The following UNC5B variants were observed in gnomAD, a reference collection of about 807,000 sequenced individuals.
The protein encoded by UNC5B is netrin receptor UNC5B.
UNC5B carries 56 observed loss-of-function variants against 103.7 expected under a neutral mutation model. That is an observed-to-expected ratio of 0.54 (90% CI 0.44 to 0.67). The LOEUF (loss-of-function observed/expected upper bound fraction) is 0.67, where lower values mean the gene tolerates loss of function less well. Ranked by LOEUF, UNC5B falls within the 30% of genes least tolerant of loss-of-function variation. UNC5B has a pLI of 0.00. For synonymous variants in UNC5B, 577 were observed against 542.0 expected, an observed-to-expected ratio of 1.06 and a Z score of -0.90; for missense variants, 1,194 against 1,284.5, an observed-to-expected ratio of 0.93 and a Z score of 1.08.
intron 1 of UNC5B, among the ~76,000 whole-genome samples, chr10:71,277,760 T>C (rs375565122): frequency 6.6e-6 from 1 of 152,252 alleles, no homozygotes; most frequent in South Asian, 2.1e-4. Context: ...TCTGCCTTGC[T>C]CTTCCCACAT....
At chr10:71,294,700 A>C (rs755056609) in intron 13 of UNC5B, among the ~76,000 whole-genome samples, 1 of 151,638 alleles carries the variant, frequency 6.6e-6, no homozygotes, top group Non-Finnish European at 1.5e-5. Flanking sequence ...CATATGCAGA[A>C]GGATGGAGAG....
chr10:71,241,940 G>T (rs1043773278), intron 1 of UNC5B, among the ~76,000 whole-genome samples: 4 of 152,114 alleles, frequency 2.6e-5, no homozygotes, highest in Admixed American at 6.5e-5. Flanking sequence ...TGTGGGGCTG[G>T]CCTAGAGTCA....
chr10:71,287,776 T>G lies in UNC5B; in HGVS notation c.901+11T>G. ...CCACCATCTGCCCAGGTAAGGAGCC[T>G]TGTCCATGTCCAGCCCCACCCCGAA... On this transcript the variant is annotated intron_variant, in intron 6 of 16. Coordinates refer to ENST00000335350, the MANE Select transcript of UNC5B (RefSeq NM_170744.5). The G allele has an allele frequency of 6.2e-7, 1 of 1,609,074 alleles. No homozygotes were observed. The highest frequency in any genetic ancestry group is 8.5e-7 in the Non-Finnish European group (1 of 1,177,628).
At chr10:71,275,797 G>A (rs1227519554) in intron 1 of UNC5B, among the ~76,000 whole-genome samples, 1 of 151,862 alleles carries the variant, frequency 6.6e-6, no homozygotes, top group Non-Finnish European at 1.5e-5. Context: ...TTTAATGTGG[G>A]AGACACGGTA....
At chr10:71,273,011 C>G (rs911336702) in intron 1 of UNC5B, among the ~76,000 whole-genome samples, 29 of 152,238 alleles carry the variant, frequency 1.9e-4, no homozygotes, top group Non-Finnish European at 3.4e-4. Flanking sequence ...GCCTCAGCCC[C>G]CCGAGTAGCT....
chr10:71,291,606 CG>C lies in UNC5B; in HGVS notation c.1472del (p.Gly491AlafsTer111). On this transcript the variant is annotated frameshift_variant, in exon 10 of 17. Coordinates refer to ENST00000335350, the MANE Select transcript of UNC5B (RefSeq NM_170744.5). LOFTEE classifies it high-confidence loss of function. ...LKVKVYSSST[T>X]GSGPGLADGA... is the part of the protein sequence containing the mutation. Reference sequence around the variant, plus strand: ...GTCAAGGTCTACAGCTCCAGCACCACGGGCTCTGGGCCAGGCCTGGCAGATG... The same window carrying C: ...GTCAAGGTCTACAGCTCCAGCACCACGGCTCTGGGCCAGGCCTGGCAGATG... The C allele has an allele frequency of 2.5e-6, 4 of 1,614,106 alleles. No individual in the cohort carries two copies. Among genetic ancestry groups the C allele is most frequent in the Non-Finnish European group, 3.4e-6 (4 of 1,180,022 alleles).
In UNC5B at chr10:71,297,823, A is replaced by T. The variant is rs914506701; in HGVS notation, c.2491-86A>T. On this transcript the variant is annotated intron_variant, in intron 15 of 16. Coordinates refer to ENST00000335350, the MANE Select transcript of UNC5B (RefSeq NM_170744.5). ...AGGAGGTGGGAGTGACTCAAGGCTC[A>T]ATGAGCTCACAGTCCAAGGGGAGGG... The T allele has an allele frequency of 2.8e-6, 4 of 1,418,770 alleles. No individual in the cohort carries two copies. The African/African-American group carries it at 5.7e-5, about 20-fold the overall frequency. The allele number at this position is 1,418,770 out of a possible 1,614,324, so 87.9% of individuals were successfully genotyped here. A position where few individuals can be genotyped will look rare whatever the true frequency, so the allele number is the denominator to read the frequency against.
intron 2 of UNC5B, 55 bp from the exon 3 acceptor site, chr10:71,284,665 G>A (rs1845018783): frequency 1.2e-6 from 2 of 1,606,552 alleles, no homozygotes; most frequent in East Asian, 4.5e-5. Flanking sequence ...GGTGTCCTGT[G>A]CCTCACATCC....
At chr10:71,275,542 A>G (rs999844987) in intron 1 of UNC5B, among the ~76,000 whole-genome samples, 1 of 152,220 alleles carries the variant, frequency 6.6e-6, no homozygotes, top group Non-Finnish European at 1.5e-5. Context: ...CTAAATGCCC[A>G]TTTCCAGTTC....
chr10:71,232,414 G>T (rs1843701758), intron 1 of UNC5B, among the ~76,000 whole-genome samples: 1 of 152,252 alleles, frequency 6.6e-6, no homozygotes, highest in Admixed American at 6.5e-5. Flanking sequence ...CAGAGGGAGT[G>T]CACAAGGAGG....
In UNC5B at chr10:71,224,364, G is replaced by GACACAC. The variant is rs58378731; in HGVS notation, c.79+11347_79+11352dup. 7.7e-3 allele frequency among the ~76,000 whole-genome samples: 745 copies of GACACAC among 97,326 alleles called. 22 individuals carry two copies. Among genetic ancestry groups the GACACAC allele is most frequent in the Middle Eastern group, 0.01 (2 of 196 alleles). The allele number at this position is 97,326 out of a possible 152,430, so 63.8% of individuals were successfully genotyped here. ...CTGGTCCATCCCACTTCTGTATGTA[G>GACACAC]ACACACACACACACACACACACACA... On this transcript the variant is annotated intron_variant, in intron 1 of 16. Coordinates refer to ENST00000335350, the MANE Select transcript of UNC5B (RefSeq NM_170744.5).
At chr10:71,267,594 T>C (rs1844550691) in intron 1 of UNC5B, among the ~76,000 whole-genome samples, 2 of 152,182 alleles carry the variant, frequency 1.3e-5, no homozygotes, top group Non-Finnish European at 2.9e-5. Context: ...TTCCCACTTG[T>C]GGAACTGAAG....
chr10:71,273,139 T>C (rs1844686450), intron 1 of UNC5B, among the ~76,000 whole-genome samples: 1 of 152,392 alleles, frequency 6.6e-6, no homozygotes, highest in South Asian at 2.1e-4. Flanking sequence ...TCCGCCCGCC[T>C]TGGACTTCCA....
At chr10:71,232,156 C>G (rs188595806) in intron 1 of UNC5B, among the ~76,000 whole-genome samples, 1 of 152,318 alleles carries the variant, frequency 6.6e-6, no homozygotes, top group South Asian at 2.1e-4. Context: ...GGCCCATCTC[C>G]GATGACTGCC....
At chr10:71,257,333 A>C (rs1468900078) in intron 1 of UNC5B, among the ~76,000 whole-genome samples, 1 of 152,228 alleles carries the variant, frequency 6.6e-6, no homozygotes, top group African/African-American at 2.4e-5. Context: ...AGGTAAGTGA[A>C]TAGGGAAGTT....
intron 3 of UNC5B, 133 bp downstream of exon 3, chr10:71,284,996 C>T (rs1845033934): frequency 1.5e-6 from 2 of 1,319,648 alleles, no homozygotes; most frequent in Non-Finnish European, 2.0e-6. Flanking sequence ...AGAGACATCC[C>T]AGCACATGGA....
intron 8 of UNC5B, among the ~76,000 whole-genome samples, chr10:71,289,401 C>T (rs1050646783): frequency 6.6e-6 from 1 of 152,206 alleles, no homozygotes; most frequent in Non-Finnish European, 1.5e-5. Context: ...TCCAGTCCCC[C>T]CTCATGCCCC....
intron 10 of UNC5B, 110 bp from the exon 11 acceptor site, chr10:71,292,357 C>A: frequency 1.1e-6 from 1 of 939,942 alleles, no homozygotes; most frequent in South Asian, 1.6e-5. Flanking sequence ...CTGGGGACTA[C>A]CTGGAGCTCA....
Position 71,233,384 on chromosome 10 carries a change from C to G in UNC5B, c.79+20320C>G, listed in dbSNP as rs376418936. On this transcript the variant is annotated intron_variant, in intron 1 of 16. Coordinates refer to ENST00000335350, the MANE Select transcript of UNC5B (RefSeq NM_170744.5). ...AATATTGAGCCAACCAATGCTGAGC[C>G]GCATCCCTAGCCTCTGAATAAATAA... Among the ~76,000 whole-genome samples, 40 of 152,278 alleles carry G rather than the reference C, an allele frequency of 2.6e-4. 1 individual carries two copies. The highest frequency in any genetic ancestry group is 9.4e-4 in the African/African-American group (39 of 41,554).
Sources: gnomAD v4.1 joint callset for allele counts (sites outside exome capture counted in the v4.1 genomes callset) on GRCh38, gnomAD v4.1.1 for gene constraint, MANE v1.5 for transcripts, NCBI Gene and HGNC (gene_info 2026-07-23, HGNC 2026-07-21) for gene names.